Variants in GOLGA2 observed in about 807,000 individuals in gnomAD.
The protein encoded by GOLGA2 is golgin A2.
Under a neutral mutation model 148.8 loss-of-function variants are expected in GOLGA2, and 49 were observed. That is an observed-to-expected ratio of 0.33 (90% CI 0.26 to 0.42). The LOEUF is 0.42. GOLGA2 is among the 10% of genes least tolerant of loss of function. GOLGA2 has a pLI of 1.00. For missense variants in GOLGA2, 1,178 were observed against 1,304.6 expected, an observed-to-expected ratio of 0.90 and a Z score of 1.49; for synonymous variants, 501 against 511.8, an observed-to-expected ratio of 0.98 and a Z score of 0.28.
intron 3 of GOLGA2, among the ~76,000 whole-genome samples, chr9:128,270,979 G>A (rs1830907596): frequency 6.6e-6 from 1 of 152,126 alleles, no homozygotes; most frequent in Admixed American, 6.5e-5. Flanking sequence ...AACCCGGGAG[G>A]GGGAGGTTGC....
chr9:128,262,943 C>A (rs531434209), intron 13 of GOLGA2, 91 bp downstream of exon 13: 2 of 926,060 alleles, frequency 2.2e-6, no homozygotes, highest in African/African-American at 1.6e-5. Flanking sequence ...TCTATGACTA[C>A]CTCATCATGC....
chr9:128,263,187 C>T (rs557954406), intron 12 of GOLGA2, 95 bp from the exon 13 acceptor site: 4 of 770,206 alleles, frequency 5.2e-6, no homozygotes, highest in African/African-American at 3.4e-5. Flanking sequence ...CACAGTAACA[C>T]TTCCTCACTC....
At position 128,262,626 on chromosome 9, in the gene GOLGA2, G is replaced by A. The variant is rs1830342568; in HGVS notation, c.1071C>T (p.Gly357=). ...KLRVLVTEKA[G]MQLNLEELQK... ...GCAATTCTTCCAAGTTAAGCTGCAT[G>A]CCAGCCTTCTCAGTCACTAGGACCC... The change falls in exon 14 of 27, where the codon GGC becomes GGT. Residue 357 remains glycine, a synonymous_variant. Coordinates refer to ENST00000611957, the MANE Select transcript of GOLGA2 (RefSeq NM_001366244.2). The A allele has an allele frequency of 2.5e-6, 4 of 1,613,570 alleles. No homozygotes were observed. Among genetic ancestry groups the A allele is most frequent in the African/African-American group, 1.3e-5 (1 of 74,918 alleles).
Position 128,266,035 on chromosome 9 carries a change from A to G in GOLGA2, c.682-15T>C, listed in dbSNP as rs778770353. 5 of 1,608,426 alleles carry G rather than the reference A, an allele frequency of 3.1e-6. No individual in the cohort carries two copies. The highest frequency in any genetic ancestry group is 4.3e-6 in the Non-Finnish European group (5 of 1,174,794). On this transcript the variant is annotated splice_polypyrimidine_tract_variant and intron_variant, in intron 9 of 26. Coordinates refer to ENST00000611957, the MANE Select transcript of GOLGA2 (RefSeq NM_001366244.2). The surrounding 1 kb of genome is among the most constrained non-coding windows in gnomAD (Gnocchi z 4.2). The stretch of plus-strand genomic sequence containing the variant: ...TCTTTCTTTTCCTATAGGAAGAGGA[A>G]GACAGAGCTCTTACGAGGGGGAGGC...
In GOLGA2 at chr9:128,258,786, T is replaced by A; in HGVS notation, c.2174-216A>T. 1 of 617,034 alleles carries A rather than the reference T, an allele frequency of 1.6e-6. No individual in the cohort carries two copies. The allele number at this position is 617,034 out of a possible 1,614,324, so 38.2% of individuals were successfully genotyped here. A position where few individuals can be genotyped will look rare whatever the true frequency, so the allele number is the denominator to read the frequency against. ...ACCGATCAGCATGGGAGTTCTGACC[T>A]GCTTCATTTCTGACCTGGGCCAGTT... On this transcript the variant is annotated intron_variant, in intron 21 of 26. Coordinates refer to ENST00000611957, the MANE Select transcript of GOLGA2 (RefSeq NM_001366244.2). This position sits in a 1 kb window ranked among gnomAD's most constrained non-coding sequence, Gnocchi z 6.6.
At chr9:128,265,730 C>G (rs567793763) in intron 11 of GOLGA2, 39 bp from the exon 12 acceptor site, 1 of 1,609,984 alleles carries the variant, frequency 6.2e-7, no homozygotes, top group Admixed American at 1.7e-5. Context: ...CAAAGGACTC[C>G]CCCTAAAGGC....
In GOLGA2 at chr9:128,259,029, G is replaced by A; in HGVS notation, c.2151C>T (p.Ser717=). 1.9e-6 allele frequency: 3 copies of A among 1,607,396 alleles called. No homozygotes were observed. In the South Asian group the frequency reaches 3.3e-5, roughly 18 times the overall value. The change falls in exon 21 of 27, where the codon AGC becomes AGT. Residue 717 remains serine, a synonymous_variant. Coordinates refer to ENST00000611957, the MANE Select transcript of GOLGA2 (RefSeq NM_001366244.2). ...QQNQQLRAQL[S]LMAHPGEGDG... is the part of the protein sequence containing the mutation. ...TACCTTCCCCAGGGTGAGCCATGAG[G>A]CTCAACTGGGCCCGTAGCTGCTGAT...
chr9:128,264,658 C>A (rs528426699), intron 12 of GOLGA2, among the ~76,000 whole-genome samples: 1 of 151,964 alleles, frequency 6.6e-6, no homozygotes. Flanking sequence ...GAACTCCTGA[C>A]CTCAGTTGAC....
chr9:128,275,549 C>A (rs1021539656), intron 1 of GOLGA2: 70 of 1,245,782 alleles, frequency 5.6e-5, no homozygotes, highest in Admixed American at 3.1e-4. Context: ...CCCAAAGTCA[C>A]TGGCGAGGGC....
intron 1 of GOLGA2, chr9:128,275,509 T>A: frequency 7.7e-7 from 1 of 1,304,356 alleles, no homozygotes; most frequent in Non-Finnish European, 9.8e-7. Context: ...GAGGGTCGAG[T>A]CTGGAGCGGG....
chr9:128,265,665 G>A lies in GOLGA2; in HGVS notation c.853C>T (p.Leu285=), dbSNP rs1830547292. The A allele has an allele frequency of 2.5e-6, 4 of 1,613,844 alleles. No individual in the cohort carries two copies. Among genetic ancestry groups the A allele is most frequent in the African/African-American group, 1.3e-5 (1 of 74,948 alleles). Residue 285 remains leucine, a synonymous_variant, in exon 12 of 27, where the codon CTG becomes TTG. Transcript: ENST00000611957. ...EGESEDLASR[L]QYSRRRVGEL... is the part of the protein sequence containing the mutation. The stretch of plus-strand genomic sequence containing the variant: ...CCCACACGCCGCCGGGAATACTGCA[G>A]GCGGCTGGCCAGATCTTCAGACTCT...
chr9:128,266,441 C>T lies in GOLGA2; in HGVS notation c.643-116G>A. On this transcript the variant is annotated intron_variant, in intron 8 of 26. Transcript: ENST00000611957. This position sits in a 1 kb window ranked among gnomAD's most constrained non-coding sequence, Gnocchi z 4.2. Reference sequence around the variant, plus strand: ...GATTTTAAAGGCAAAGTTCTCAGACCCAATGGGAACACGAACTGGTAAACT... The same window carrying T: ...GATTTTAAAGGCAAAGTTCTCAGACTCAATGGGAACACGAACTGGTAAACT... The T allele has an allele frequency of 1.2e-6, 1 of 833,966 alleles. No homozygotes were observed. The highest frequency in any genetic ancestry group is 2.0e-6 in the Non-Finnish European group (1 of 497,220). 51.7% of individuals were successfully genotyped at this position (833,966 alleles called of 1,614,324 possible).
rs200653956 is a variant in GOLGA2, at chr9:128,260,068, G to A, written c.1872+8C>T. 323 of 1,586,508 alleles carry A rather than the reference G, an allele frequency of 2.0e-4. No individual in the cohort carries two copies. In the East Asian group the frequency reaches 4.8e-3, roughly 23 times the overall value. ...CCTCCCAGCCCTTCTTGGATGGGGC[G>A]GGGTTACCGTTTCCTTCAGCTCGCT... On this transcript the variant is annotated splice_region_variant and intron_variant, in intron 19 of 26. Transcript: ENST00000611957. This position sits in a 1 kb window ranked among gnomAD's most constrained non-coding sequence, Gnocchi z 4.8.
Position 128,267,595 on chromosome 9 carries a change from C to A in GOLGA2, c.502-78G>T, listed in dbSNP as rs919456154. 6 of 1,061,468 alleles carry A rather than the reference C, an allele frequency of 5.7e-6. No individual in the cohort carries two copies. In the African/African-American group the frequency reaches 9.3e-5, roughly 17 times the overall value. 65.8% of individuals were successfully genotyped at this position (1,061,468 alleles called of 1,614,324 possible). A position where few individuals can be genotyped will look rare whatever the true frequency, so the allele number is the denominator to read the frequency against. On this transcript the variant is annotated intron_variant, in intron 6 of 26. Coordinates refer to ENST00000611957, the MANE Select transcript of GOLGA2 (RefSeq NM_001366244.2). ...CCCTCTAACTTCGTTTCTTCCCCAG[C>A]AATTGGCAACATTTTCTTTTCTAAC...
At chr9:128,264,746 G>A (rs893047299) in intron 12 of GOLGA2, among the ~76,000 whole-genome samples, 1 of 152,248 alleles carries the variant, frequency 6.6e-6, no homozygotes, top group East Asian at 1.9e-4. Context: ...ATTTACAGCT[G>A]GCTAACAGAG....
Position 128,260,546 on chromosome 9 carries a change from G to A in GOLGA2, c.1677C>T (p.Arg559=). The A allele has an allele frequency of 1.9e-6, 3 of 1,613,160 alleles. No homozygotes were observed. The highest frequency in any genetic ancestry group is 2.5e-6 in the Non-Finnish European group (3 of 1,179,996). Residue 559 remains arginine, a synonymous_variant, in exon 18 of 27, where the codon CGC becomes CGT. Transcript: ENST00000611957. This position sits in a 1 kb window ranked among gnomAD's most constrained non-coding sequence, Gnocchi z 4.8. ...GGGAGAGTGCGCGGCTGATGGTAGT[G>A]CGGTCGTTCTGCATGGTCTCCAGGA... is the stretch of plus-strand genomic sequence containing the variant. The part of the protein sequence containing the change: ...RQILETMQND[R]TTISRALSQN...
In GOLGA2 at chr9:128,257,388, C is replaced by G; in HGVS notation, c.2856G>C (p.Gly952=). ...ACTCACCACCCTGCTGGTTGGCAGC[C>G]CCAAGTTCCTGGGGGGCTGGGGCCC... ...TSGAPAPQEL[G]AANQQGDLCE... is the part of the protein sequence containing the mutation. Residue 952 remains glycine, a synonymous_variant, in exon 26 of 27, where the codon GGG becomes GGC. Coordinates refer to ENST00000611957, the MANE Select transcript of GOLGA2 (RefSeq NM_001366244.2). This position sits in a 1 kb window ranked among gnomAD's most constrained non-coding sequence, Gnocchi z 8.0. 6.2e-7 allele frequency: 1 copy of G among 1,613,082 alleles called. No homozygotes were observed. Among genetic ancestry groups the G allele is most frequent in the Non-Finnish European group, 8.5e-7 (1 of 1,180,000 alleles).
At chr9:128,268,547 GT>G in intron 3 of GOLGA2, 23 bp from the exon 4 acceptor site, 1 of 1,376,192 alleles carries the variant, frequency 7.3e-7, no homozygotes. Context: ...AGAGCAGGGG[GT>G]TAGGGGGCCA....
chr9:128,264,514 G>A (rs1442468808), intron 12 of GOLGA2, among the ~76,000 whole-genome samples: 2 of 151,810 alleles, frequency 1.3e-5, no homozygotes, highest in East Asian at 1.9e-4. Flanking sequence ...CGCAACTTCC[G>A]CCCCCGGGTT....
Sources: allele counts gnomAD v4.1 joint callset (sites outside exome capture counted in the v4.1 genomes callset), GRCh38; gene constraint gnomAD v4.1.1; non-coding constraint Gnocchi (gnomAD v3.1); transcripts MANE v1.5; gene names NCBI Gene and HGNC (gene_info 2026-07-23, HGNC 2026-07-21).